EPHA6: variants seen among roughly 807,000 people sequenced by gnomAD.
The protein encoded by EPHA6 is ephrin type-A receptor 6.
In EPHA6, 50 loss-of-function variants were observed where a neutral mutation model predicts 112.0. That is an observed-to-expected ratio of 0.45 (90% CI 0.36 to 0.56). EPHA6 has a LOEUF of 0.56. Ranked by LOEUF, EPHA6 falls within the 20% of genes least tolerant of loss-of-function variation. The pLI is 0.00. For missense variants in EPHA6, 1,280 were observed against 1,417.4 expected, an observed-to-expected ratio of 0.90 and a Z score of 1.56; for synonymous variants, 529 against 490.7, an observed-to-expected ratio of 1.08 and a Z score of -1.03.
At chr3:97,727,505 C>A (rs2034826811) in intron 15 of EPHA6, among the ~76,000 whole-genome samples, 1 of 152,014 alleles carries the variant, frequency 6.6e-6, no homozygotes, top group Admixed American at 6.6e-5. Context: ...ACCTGAAATG[C>A]AGCATGATTT....
At chr3:96,959,450 G>A in intron 2 of EPHA6, among the ~76,000 whole-genome samples, 1 of 151,680 alleles carries the variant, frequency 6.6e-6, no homozygotes, top group Non-Finnish European at 1.5e-5. Context: ...TTTCTATTCT[G>A]TAGGTTGTTA....
intron 12 of EPHA6, among the ~76,000 whole-genome samples, chr3:97,599,094 C>A (rs1479275492): frequency 6.6e-6 from 1 of 152,106 alleles, no homozygotes; most frequent in Non-Finnish European, 1.5e-5. Flanking sequence ...ATGTCCTTTG[C>A]CCACTTTTTG....
intron 1 of EPHA6, among the ~76,000 whole-genome samples, chr3:96,849,893 G>T (rs1019541749): frequency 1.1e-4 from 16 of 152,240 alleles, no homozygotes; most frequent in African/African-American, 3.9e-4. Flanking sequence ...CAGAGTGCCT[G>T]ACATACAGGA....
At chr3:97,427,915 T>C (rs1431630231) in intron 6 of EPHA6, among the ~76,000 whole-genome samples, 2 of 152,088 alleles carry the variant, frequency 1.3e-5, no homozygotes, top group Non-Finnish European at 2.9e-5. Context: ...TGGGGCCTAC[T>C]TGAGGGTTGA....
chr3:97,323,028 A>T (rs2082193091), intron 5 of EPHA6, among the ~76,000 whole-genome samples: 1 of 151,872 alleles, frequency 6.6e-6, no homozygotes, highest in Non-Finnish European at 1.5e-5. Flanking sequence ...AGAAAATTGG[A>T]CCCCTTAGGG....
chr3:97,355,837 G>A (rs1232698121), intron 5 of EPHA6, among the ~76,000 whole-genome samples: 1 of 152,092 alleles, frequency 6.6e-6, no homozygotes, highest in Admixed American at 6.6e-5. Flanking sequence ...AAGGGATAAA[G>A]ATATTCCATG....
At chr3:97,067,386 C>T (rs1391194599) in intron 3 of EPHA6, among the ~76,000 whole-genome samples, 1 of 151,896 alleles carries the variant, frequency 6.6e-6, no homozygotes, top group African/African-American at 2.4e-5. Flanking sequence ...TTTCAAACTT[C>T]TATATTTTAG....
chr3:97,590,234 C>G (rs868304648), intron 11 of EPHA6: 1 of 152,034 alleles, frequency 6.6e-6, no homozygotes, highest in Non-Finnish European at 1.5e-5. Flanking sequence ...AATGACAGTT[C>G]CTTAAGGAAG....
intron 5 of EPHA6, among the ~76,000 whole-genome samples, chr3:97,291,346 G>A (rs1482587963): frequency 6.6e-6 from 1 of 152,130 alleles, no homozygotes; most frequent in Non-Finnish European, 1.5e-5. Flanking sequence ...AATGTGTGTT[G>A]CTGTTAGAAA....
intron 3 of EPHA6, among the ~76,000 whole-genome samples, chr3:97,028,030 A>G (rs531046886): frequency 3.3e-5 from 5 of 152,282 alleles, no homozygotes; most frequent in African/African-American, 4.8e-5. Flanking sequence ...CACTTTAAAC[A>G]ACTTTGGCAT....
intron 5 of EPHA6, among the ~76,000 whole-genome samples, chr3:97,326,759 T>C (rs1417165378): frequency 6.6e-6 from 1 of 152,020 alleles, no homozygotes; most frequent in Non-Finnish European, 1.5e-5. Context: ...CTAAACAAAA[T>C]ACTGAACTGC....
chr3:97,697,994 T>C (rs908577086), intron 14 of EPHA6, among the ~76,000 whole-genome samples: 7 of 152,182 alleles, frequency 4.6e-5, no homozygotes, highest in Non-Finnish European at 1.0e-4. Context: ...AGCCAATGCA[T>C]GTTTTTTGTT....
chr3:97,583,650 CAG>C (rs371651114), intron 11 of EPHA6, among the ~76,000 whole-genome samples: 21 of 151,886 alleles, frequency 1.4e-4, no homozygotes, highest in Middle Eastern at 3.4e-3. Flanking sequence ...ACCAAATAAA[CAG>C]AAAAATATTC....
intron 7 of EPHA6, among the ~76,000 whole-genome samples, chr3:97,464,734 A>G (rs1282871287): frequency 1.3e-5 from 2 of 152,112 alleles, no homozygotes; most frequent in Non-Finnish European, 2.9e-5. Flanking sequence ...TAATGCTCCC[A>G]TGGAAAAAGT....
At chr3:97,161,813 A>G (rs764126416) in intron 3 of EPHA6, among the ~76,000 whole-genome samples, 24 of 152,218 alleles carry the variant, frequency 1.6e-4, no homozygotes, top group East Asian at 1.9e-4. Context: ...ACTAGGTCCA[A>G]TCAGCATAGT....
chr3:97,327,785 A>G (rs1225536058), intron 5 of EPHA6, among the ~76,000 whole-genome samples: 2 of 150,976 alleles, frequency 1.3e-5, no homozygotes, highest in African/African-American at 2.4e-5. Context: ...TCGAAGTTGT[A>G]GCAGTACTAC....
intron 2 of EPHA6, among the ~76,000 whole-genome samples, chr3:96,932,330 T>G (rs958015395): frequency 7.9e-5 from 12 of 152,326 alleles, no homozygotes; most frequent in Admixed American, 2.6e-4. Flanking sequence ...TCATTCAACT[T>G]TTTATCCTTT....
At chr3:97,354,763 G>C (rs1433381956) in intron 5 of EPHA6, among the ~76,000 whole-genome samples, 1 of 152,028 alleles carries the variant, frequency 6.6e-6, no homozygotes, top group Non-Finnish European at 1.5e-5. Context: ...AAAGATTATA[G>C]AACACCAAGC....
intron 6 of EPHA6, among the ~76,000 whole-genome samples, chr3:97,413,613 G>C (rs772166831): frequency 3.8e-4 from 58 of 151,986 alleles, no homozygotes; most frequent in Admixed American, 7.9e-4. Flanking sequence ...TATGATACAA[G>C]GTTGTGAAAT....
Sources: gnomAD v4.1 joint callset for allele counts (sites outside exome capture counted in the v4.1 genomes callset) on GRCh38, gnomAD v4.1.1 for gene constraint, MANE v1.5 for transcripts, NCBI Gene and HGNC (gene_info 2026-07-23, HGNC 2026-07-21) for gene names.